The following PRKN variants were observed in gnomAD, a reference collection of about 807,000 sequenced individuals.
The protein encoded by PRKN is parkin RBR E3 ubiquitin protein ligase.
In PRKN, 56 loss-of-function variants were observed where a neutral mutation model predicts 59.5. That is an observed-to-expected ratio of 0.94 (90% CI 0.76 to 1.18). PRKN has a LOEUF of 1.18. PRKN is among the 50% of genes most tolerant of loss of function. The pLI, the probability that PRKN is intolerant of heterozygous loss-of-function variation, is 0.00. For synonymous variants in PRKN, 250 were observed against 222.1 expected, an observed-to-expected ratio of 1.13 and a Z score of -1.12; for missense variants, 657 against 596.4, an observed-to-expected ratio of 1.10 and a Z score of -1.06.
Position 162,056,419 on chromosome 6 carries a change from C to T in PRKN, c.535-2245G>A, listed in dbSNP as rs900032591. ...CACTATTCTAGAGAAAAGTCGGGGACGCAGAGCAGTTCTCCAGGCCTGAGC... is the reference window on the plus strand; with the variant it reads ...CACTATTCTAGAGAAAAGTCGGGGATGCAGAGCAGTTCTCCAGGCCTGAGC... On this transcript the variant is annotated intron_variant, in intron 4 of 11. Transcript: ENST00000366898. The surrounding 1 kb of genome is among the most constrained non-coding windows in gnomAD (Gnocchi z 4.9). Among the ~76,000 whole-genome samples, 10 of 152,078 alleles carry T rather than the reference C, an allele frequency of 6.6e-5. No homozygotes were observed. Among genetic ancestry groups the T allele is most frequent in the East Asian group, 1.9e-4 (1 of 5,186 alleles).
At chr6:161,772,324 A>G (rs1487031328) in intron 7 of PRKN, among the ~76,000 whole-genome samples, 2 of 152,348 alleles carry the variant, frequency 1.3e-5, no homozygotes, top group South Asian at 2.1e-4. Context: ...AGGAAGATAT[A>G]GCAGGCATCT....
intron 2 of PRKN, among the ~76,000 whole-genome samples, chr6:162,405,553 A>G (rs1788014630): frequency 6.6e-6 from 1 of 152,148 alleles, no homozygotes; most frequent in Non-Finnish European, 1.5e-5. Flanking sequence ...CACCCCCAAC[A>G]TTTACATGCT....
At chr6:162,066,387 T>C (rs1247961800) in intron 4 of PRKN, among the ~76,000 whole-genome samples, 1 of 152,246 alleles carries the variant, frequency 6.6e-6, no homozygotes, top group Non-Finnish European at 1.5e-5. Flanking sequence ...GTGGCTAACA[T>C]ATATGTTCAT....
chr6:162,429,545 T>C (rs1789409861), intron 2 of PRKN, among the ~76,000 whole-genome samples: 1 of 152,132 alleles, frequency 6.6e-6, no homozygotes, highest in Non-Finnish European at 1.5e-5. Flanking sequence ...CTGGCCTTCA[T>C]GGCCTTCTTT....
At chr6:162,334,186 A>C (rs1312078010) in intron 2 of PRKN, among the ~76,000 whole-genome samples, 3 of 152,236 alleles carry the variant, frequency 2.0e-5, no homozygotes, top group Non-Finnish European at 2.9e-5. Context: ...GCTGCTGTAG[A>C]AGCTGCAGCA....
In PRKN at chr6:162,558,983, T is replaced by C. The variant is rs1057196372; in HGVS notation, c.8-115510A>G. On this transcript the variant is annotated intron_variant, in intron 1 of 11. Transcript: ENST00000366898. ...AAGGCAATTGGTGAAACCTCTTCTCTACTAAAAAATACAAAAAATTAGCTG... is the reference window on the plus strand; with the variant it reads ...AAGGCAATTGGTGAAACCTCTTCTCCACTAAAAAATACAAAAAATTAGCTG... 2.6e-5 allele frequency among the ~76,000 whole-genome samples: 4 copies of C among 152,058 alleles called. No individual in the cohort carries two copies. The East Asian group carries it at 7.8e-4, about 30-fold the overall frequency.
intron 4 of PRKN, among the ~76,000 whole-genome samples, chr6:162,106,168 A>G (rs1368917363): frequency 6.6e-6 from 1 of 152,232 alleles, no homozygotes; most frequent in East Asian, 1.9e-4. Flanking sequence ...AGCTCCCGTA[A>G]GTACGGGAAG....
intron 5 of PRKN, among the ~76,000 whole-genome samples, chr6:162,016,913 C>T (rs1582900237): frequency 1.3e-5 from 2 of 152,194 alleles, no homozygotes; most frequent in South Asian, 2.1e-4. Context: ...CTACCCAACA[C>T]GCCAACTCCA....
At chr6:161,528,820 A>G (rs1259756293) in intron 9 of PRKN, among the ~76,000 whole-genome samples, 2 of 152,108 alleles carry the variant, frequency 1.3e-5, no homozygotes, top group Non-Finnish European at 2.9e-5. Flanking sequence ...GATTAGGTGA[A>G]GTCCAATGAG....
intron 5 of PRKN, among the ~76,000 whole-genome samples, chr6:162,023,435 C>T (rs1783290076): frequency 6.6e-6 from 1 of 152,090 alleles, no homozygotes; most frequent in Non-Finnish European, 1.5e-5. Context: ...AGAAGGAAGA[C>T]GGTTTTTCCC....
intron 2 of PRKN, among the ~76,000 whole-genome samples, chr6:162,424,657 C>G (rs1789137815): frequency 6.6e-6 from 1 of 151,626 alleles, no homozygotes; most frequent in African/African-American, 2.4e-5. Context: ...ATTGCTTGAA[C>G]CCGGGAGGTG....
At chr6:161,574,254 G>A (rs73593483) in intron 7 of PRKN, among the ~76,000 whole-genome samples, 5,002 of 152,138 alleles carry the variant, frequency 0.033, 278 homozygotes, top group African/African-American at 0.11. Context: ...TGCAAGACGG[G>A]CCCACAGAAT....
intron 6 of PRKN, among the ~76,000 whole-genome samples, chr6:161,922,088 A>G (rs1360976644): frequency 6.6e-6 from 1 of 152,224 alleles, no homozygotes; most frequent in Non-Finnish European, 1.5e-5. Flanking sequence ...ATTAAGTTAC[A>G]TACAATAAGG....
intron 1 of PRKN, among the ~76,000 whole-genome samples, chr6:162,460,616 T>C (rs1014658383): frequency 1.3e-5 from 2 of 152,170 alleles, no homozygotes; most frequent in African/African-American, 4.8e-5. Flanking sequence ...TTAAAGTACT[T>C]GGCAAAACAC....
chr6:161,932,156 A>T (rs1342812419), intron 6 of PRKN, among the ~76,000 whole-genome samples: 1 of 152,102 alleles, frequency 6.6e-6, no homozygotes, highest in Non-Finnish European at 1.5e-5. Context: ...ATCTCAGTTA[A>T]CATAATTAAG....
At chr6:162,228,105 C>CT (rs1353545797) in intron 3 of PRKN, among the ~76,000 whole-genome samples, 1 of 152,086 alleles carries the variant, frequency 6.6e-6, no homozygotes, top group Admixed American at 6.5e-5. Context: ...ATTCAAGGAC[C>CT]TGGGCATAAA....
chr6:161,782,062 G>A (rs1790229146), intron 7 of PRKN, among the ~76,000 whole-genome samples: 1 of 152,094 alleles, frequency 6.6e-6, no homozygotes, highest in African/African-American at 2.4e-5. Flanking sequence ...CCTCTTCTAG[G>A]GAGCAGATCC....
At chr6:162,484,541 C>T (rs1792455601) in intron 1 of PRKN, among the ~76,000 whole-genome samples, 1 of 152,170 alleles carries the variant, frequency 6.6e-6, no homozygotes, top group Admixed American at 6.5e-5. Context: ...TTACAAACAG[C>T]TTAGCAGGTG....
chr6:162,565,866 T>C (rs796246266), intron 1 of PRKN, among the ~76,000 whole-genome samples: 5 of 151,988 alleles, frequency 3.3e-5, no homozygotes, highest in African/African-American at 7.2e-5. Flanking sequence ...TCCACATAGA[T>C]TGAAAATAAA....
Sources: allele counts gnomAD v4.1 joint callset (sites outside exome capture counted in the v4.1 genomes callset), GRCh38; gene constraint gnomAD v4.1.1; non-coding constraint Gnocchi (gnomAD v3.1); transcripts MANE v1.5; gene names NCBI Gene and HGNC (gene_info 2026-07-23, HGNC 2026-07-21).